PRKCA: variants seen among roughly 807,000 people sequenced by gnomAD.
PRKCA encodes protein kinase C alpha, also known as protein kinase C alpha type.
A neutral mutation model predicts 87.0 loss-of-function variants in PRKCA; 27 were observed. The observed-to-expected ratio is 0.31, with a 90% CI of 0.23 to 0.43. The LOEUF is 0.43. Among genes scored for constraint, PRKCA ranks in the 20% least tolerant of loss-of-function variants. PRKCA has a pLI of 1.00. For missense variants in PRKCA, 518 were observed against 852.3 expected, an observed-to-expected ratio of 0.61 and a Z score of 4.88; for synonymous variants, 329 against 311.1, an observed-to-expected ratio of 1.06 and a Z score of -0.61.
At chr17:66,729,182 C>T (rs1188539148) in intron 8 of PRKCA, among the ~76,000 whole-genome samples, 1 of 152,020 alleles carries the variant, frequency 6.6e-6, no homozygotes, top group Non-Finnish European at 1.5e-5. Flanking sequence ...GAGGCCGAGG[C>T]AGATGGATCA....
chr17:66,566,074 G>A (rs1381398566), intron 3 of PRKCA, among the ~76,000 whole-genome samples: 1 of 152,118 alleles, frequency 6.6e-6, no homozygotes, highest in Non-Finnish European at 1.5e-5. Context: ...AGCTGCAAGG[G>A]GTAGGACGGA....
At chr17:66,356,619 G>A (rs917206969) in intron 2 of PRKCA, among the ~76,000 whole-genome samples, 7 of 152,144 alleles carry the variant, frequency 4.6e-5, no homozygotes, top group Non-Finnish European at 8.8e-5. Context: ...GTGAGACTCC[G>A]TCTCAAAAAA....
At chr17:66,734,622 T>C (rs1003827170) in intron 9 of PRKCA, among the ~76,000 whole-genome samples, 2 of 152,212 alleles carry the variant, frequency 1.3e-5, no homozygotes, top group Non-Finnish European at 2.9e-5. Context: ...CTTTCTGACC[T>C]GTGTCTTGTG....
chr17:66,702,460 C>A (rs1349085916), intron 8 of PRKCA, among the ~76,000 whole-genome samples: 1 of 152,114 alleles, frequency 6.6e-6, no homozygotes, highest in Non-Finnish European at 1.5e-5. Context: ...TGGTTAAATA[C>A]AAACTTTCAG....
chr17:66,775,718 A>G, intron 14 of PRKCA: 1 of 985,434 alleles, frequency 1.0e-6, no homozygotes, highest in Non-Finnish European at 1.2e-6. Flanking sequence ...CCCTTCCCAC[A>G]TGTTACGTCC....
chr17:66,352,817 C>G (rs1327833536), intron 2 of PRKCA, among the ~76,000 whole-genome samples: 1 of 151,990 alleles, frequency 6.6e-6, no homozygotes, highest in Non-Finnish European at 1.5e-5. Flanking sequence ...CCGCCTCTAC[C>G]TTCCAAAGTG....
intron 2 of PRKCA, among the ~76,000 whole-genome samples, chr17:66,362,098 C>T (rs1462872306): frequency 2.6e-5 from 4 of 152,094 alleles, no homozygotes. Context: ...TGCAGTGGCA[C>T]CATCTTGTCT....
At chr17:66,488,823 T>G (rs1916094917) in intron 2 of PRKCA, among the ~76,000 whole-genome samples, 1 of 152,232 alleles carries the variant, frequency 6.6e-6, no homozygotes, top group South Asian at 2.1e-4. Flanking sequence ...AGTGCATTTA[T>G]TTGATTTGTT....
At chr17:66,607,329 GACAT>G (rs1201643700) in intron 3 of PRKCA, among the ~76,000 whole-genome samples, 1 of 152,144 alleles carries the variant, frequency 6.6e-6, no homozygotes, top group Non-Finnish European at 1.5e-5. Flanking sequence ...GAAAAAATCG[GACAT>G]ACAGTGAGTT....
Position 66,718,913 on chromosome 17 carries a change from A to C in PRKCA, c.919-13775A>C, listed in dbSNP as rs1243812492. Reference sequence around the variant, plus strand: ...ATTCCAACTGTGAATTTAGACACACAACCCAAAAGAAACCAAGAGCCTGCC... The same window carrying C: ...ATTCCAACTGTGAATTTAGACACACCACCCAAAAGAAACCAAGAGCCTGCC... On this transcript the variant is annotated intron_variant, in intron 8 of 16. Transcript: ENST00000413366. 2.0e-5 allele frequency among the ~76,000 whole-genome samples: 3 copies of C among 152,244 alleles called. No homozygotes were observed. The East Asian group carries it at 5.8e-4, about 29-fold the overall frequency.
At chr17:66,502,949 G>A (rs1288571665) in intron 3 of PRKCA, among the ~76,000 whole-genome samples, 7 of 152,210 alleles carry the variant, frequency 4.6e-5, no homozygotes, top group African/African-American at 1.2e-4. Context: ...ATGAGCCACC[G>A]CGCCCAGCGT....
At chr17:66,589,385 A>G (rs927753317) in intron 3 of PRKCA, among the ~76,000 whole-genome samples, 4 of 152,216 alleles carry the variant, frequency 2.6e-5, no homozygotes, top group Admixed American at 2.0e-4. Flanking sequence ...TTTACACAAT[A>G]CGTGTCTCAG....
At chr17:66,660,477 G>C (rs1327584364) in intron 5 of PRKCA, among the ~76,000 whole-genome samples, 1 of 152,016 alleles carries the variant, frequency 6.6e-6, no homozygotes, top group Non-Finnish European at 1.5e-5. Context: ...CCATGTTAGG[G>C]GGTGCTCCTG....
At chr17:66,775,330 G>A (rs61762770) in intron 14 of PRKCA, 44,526 of 984,590 alleles carry the variant, frequency 0.045, 1,504 homozygotes, top group East Asian at 0.2. Flanking sequence ...CCTTTCAGCC[G>A]AGCACAGATC....
chr17:66,376,978 T>C (rs1909456734), intron 2 of PRKCA, among the ~76,000 whole-genome samples: 1 of 152,090 alleles, frequency 6.6e-6, no homozygotes, highest in South Asian at 2.1e-4. Context: ...ACCTCAGAGC[T>C]TGAGTTCAGT....
intron 3 of PRKCA, among the ~76,000 whole-genome samples, chr17:66,564,621 A>G (rs1968829534): frequency 6.6e-6 from 1 of 152,212 alleles, no homozygotes; most frequent in Admixed American, 6.5e-5. Flanking sequence ...GGGTTTTAGT[A>G]CATTAGATTT....
At chr17:66,616,206 A>T (rs1970513436) in intron 3 of PRKCA, among the ~76,000 whole-genome samples, 1 of 152,194 alleles carries the variant, frequency 6.6e-6, no homozygotes, top group South Asian at 2.1e-4. Flanking sequence ...GAAATAGTAA[A>T]AATTTGTAGA....
At chr17:66,401,513 A>G (rs1911028242) in intron 2 of PRKCA, among the ~76,000 whole-genome samples, 1 of 152,314 alleles carries the variant, frequency 6.6e-6, no homozygotes, top group Non-Finnish European at 1.5e-5. Context: ...GCAATCATTG[A>G]TGGAAAGCTC....
At chr17:66,777,917 G>T in intron 14 of PRKCA, 1 of 985,344 alleles carries the variant, frequency 1.0e-6, no homozygotes, top group Non-Finnish European at 1.2e-6. Flanking sequence ...GCCTTCCTGG[G>T]ATCTCATTCA....
Sources: gnomAD v4.1 joint callset for allele counts (sites outside exome capture counted in the v4.1 genomes callset) on GRCh38, gnomAD v4.1.1 for gene constraint, MANE v1.5 for transcripts, NCBI Gene and HGNC (gene_info 2026-07-23, HGNC 2026-07-21) for gene names.